Variants in ZNF804B observed in about 807,000 individuals in gnomAD.
ZNF804B encodes the protein zinc finger protein 804B, also known as zinc finger 804B.
A neutral mutation model predicts 101.4 loss-of-function variants in ZNF804B; 80 were observed. The observed-to-expected ratio is 0.79, with a 90% confidence interval of 0.66 to 0.95. The LOEUF (loss-of-function observed/expected upper bound fraction) is 0.95. Ranked by LOEUF, ZNF804B falls within the 40% of genes least tolerant of loss-of-function variation. The probability of loss-of-function intolerance (pLI) is 0.00; values close to 1 mark genes in which losing one functional copy is unlikely to be tolerated. For missense variants in ZNF804B, 1,673 were observed against 1,561.9 expected (o/e 1.07, Z -1.20); for synonymous variants, 622 against 558.8 (o/e 1.11, Z -1.59).
chr7:89,096,639 G>C (rs187839767), intron 1 of ZNF804B, among the ~76,000 whole-genome samples: 1 of 152,224 alleles, frequency 6.6e-6, no homozygotes, highest in Admixed American at 6.5e-5. Context: ...AAAGTGATAT[G>C]CATGATATTT....
intron 1 of ZNF804B, among the ~76,000 whole-genome samples, chr7:89,047,878 C>T (rs1196254141): frequency 7.4e-6 from 1 of 134,458 alleles, no homozygotes; most frequent in Non-Finnish European, 1.6e-5. Context: ...ATTGGTTGAT[C>T]TCAGTGGCTA....
chr7:88,956,655 C>T (rs1793314443), intron 1 of ZNF804B, among the ~76,000 whole-genome samples: 1 of 151,292 alleles, frequency 6.6e-6, no homozygotes, highest in African/African-American at 2.4e-5. Flanking sequence ...TGGACTACTT[C>T]TAACTGGGAT....
At chr7:89,115,781 T>C (rs1029923063) in intron 1 of ZNF804B, among the ~76,000 whole-genome samples, 1 of 152,246 alleles carries the variant, frequency 6.6e-6, no homozygotes, top group African/African-American at 2.4e-5. Flanking sequence ...TTTGTAGTTT[T>C]TAGCCTATTG....
chr7:89,268,471 C>T lies in ZNF804B; in HGVS notation c.249+50176C>T, dbSNP rs145169591. Reference sequence around the variant, plus strand: ...CAACAACATTGCAAACATTTCATGACGAGATCTTTCTTAAACTATTCCAAC... The same window carrying T: ...CAACAACATTGCAAACATTTCATGATGAGATCTTTCTTAAACTATTCCAAC... On this transcript the variant is annotated intron_variant, in intron 2 of 3. Coordinates refer to ENST00000333190, the MANE Select transcript of ZNF804B (RefSeq NM_181646.5). Among the ~76,000 whole-genome samples the T allele has an allele frequency of 4.2e-3, 643 of 152,096 alleles. 5 individuals are homozygous for T. The highest frequency in any genetic ancestry group is 0.015 in the African/African-American group (608 of 41,508).
intron 1 of ZNF804B, among the ~76,000 whole-genome samples, chr7:88,872,819 A>G (rs1416940711): frequency 6.7e-6 from 1 of 149,686 alleles, no homozygotes; most frequent in East Asian, 2.0e-4. Flanking sequence ...TTATGGCTGC[A>G]TAGTATTCCA....
At chr7:89,162,859 G>T (rs1381329510) in intron 1 of ZNF804B, among the ~76,000 whole-genome samples, 1 of 94,690 alleles carries the variant, frequency 1.1e-5, no homozygotes, top group Non-Finnish European at 2.1e-5. Context: ...CTGTGTCCAT[G>T]TGTTCTCATT....
chr7:89,222,788 A>C (rs1212991261), intron 2 of ZNF804B, among the ~76,000 whole-genome samples: 3 of 151,952 alleles, frequency 2.0e-5, no homozygotes, highest in South Asian at 2.1e-4. Context: ...AATTTAACAC[A>C]GAATTTTAAA....
At chr7:89,014,724 G>A (rs1370922159) in intron 1 of ZNF804B, among the ~76,000 whole-genome samples, 2 of 152,190 alleles carry the variant, frequency 1.3e-5, no homozygotes, top group African/African-American at 4.8e-5. Context: ...CTGTTGAGAT[G>A]TTTGATATCC....
At chr7:88,961,621 C>T (rs1457000617) in intron 1 of ZNF804B, among the ~76,000 whole-genome samples, 1 of 151,342 alleles carries the variant, frequency 6.6e-6, no homozygotes, top group Non-Finnish European at 1.5e-5. Context: ...AAGAAGAGCT[C>T]ATGAGATTGA....
At chr7:88,836,736 C>A (rs891812314) in intron 1 of ZNF804B, among the ~76,000 whole-genome samples, 4 of 151,936 alleles carry the variant, frequency 2.6e-5, no homozygotes, top group Non-Finnish European at 5.9e-5. Flanking sequence ...CTATGCAATT[C>A]GCTCTTTCCC....
intron 1 of ZNF804B, among the ~76,000 whole-genome samples, chr7:88,915,081 A>G (rs927318450): frequency 6.6e-6 from 1 of 152,118 alleles, no homozygotes; most frequent in Admixed American, 6.6e-5. Context: ...TGTGTTAGAA[A>G]TATTATGTGT....
In ZNF804B at chr7:89,331,573, C is replaced by A. The variant is rs559494687; in HGVS notation, c.381-1790C>A. 2.0e-5 allele frequency among the ~76,000 whole-genome samples: 3 copies of A among 151,776 alleles called. No individual in the cohort carries two copies. In the East Asian group the frequency reaches 5.8e-4, roughly 29 times the overall value. ...TAGTTTTTTACAAGATTTAAAGGAACTCTGTAATTCTAAAATTACAGCCAT... is the reference window on the plus strand; with the variant it reads ...TAGTTTTTTACAAGATTTAAAGGAAATCTGTAATTCTAAAATTACAGCCAT... On this transcript the variant is annotated intron_variant, in intron 3 of 3. Transcript: ENST00000333190.
At chr7:89,048,779 G>A (rs1276964360) in intron 1 of ZNF804B, among the ~76,000 whole-genome samples, 1 of 151,806 alleles carries the variant, frequency 6.6e-6, no homozygotes, top group Non-Finnish European at 1.5e-5. Flanking sequence ...CATTCCTTAA[G>A]TACTGCTCTT....
chr7:89,307,733 T>C (rs1790587011), intron 2 of ZNF804B, among the ~76,000 whole-genome samples: 1 of 152,058 alleles, frequency 6.6e-6, no homozygotes, highest in African/African-American at 2.4e-5. Context: ...GCACTAATTA[T>C]TGAGAAAATA....
chr7:89,140,820 T>C (rs537170961), intron 1 of ZNF804B, among the ~76,000 whole-genome samples: 9 of 151,982 alleles, frequency 5.9e-5, no homozygotes, highest in Non-Finnish European at 1.2e-4. Flanking sequence ...GGAGAACTTT[T>C]AATTTTCTTC....
chr7:89,019,628 A>G (rs1788630546), intron 1 of ZNF804B, among the ~76,000 whole-genome samples: 1 of 152,052 alleles, frequency 6.6e-6, no homozygotes, highest in South Asian at 2.1e-4. Flanking sequence ...CTTTAGATCC[A>G]GTAGTATTTA....
rs1256367696 is a variant in ZNF804B, at chr7:88,997,817, A to G, written c.109-220338A>G. Reference sequence around the variant, plus strand: ...TATCGCACCACTCAAAATTTGGCCCATCTTTCGGAACTCAGTTGAAATGCC... The same window carrying G: ...TATCGCACCACTCAAAATTTGGCCCGTCTTTCGGAACTCAGTTGAAATGCC... On this transcript the variant is annotated intron_variant, in intron 1 of 3. Transcript: ENST00000333190. 3.3e-5 allele frequency among the ~76,000 whole-genome samples: 5 copies of G among 152,126 alleles called. No individual in the cohort carries two copies. The South Asian group carries it at 8.3e-4, about 25-fold the overall frequency.
chr7:88,915,009 G>A (rs1406065432), intron 1 of ZNF804B, among the ~76,000 whole-genome samples: 1 of 152,010 alleles, frequency 6.6e-6, no homozygotes, highest in Non-Finnish European at 1.5e-5. Context: ...GTAGAATATA[G>A]CACATTATCT....
Position 89,327,556 on chromosome 7 carries a change from T to C in ZNF804B, c.380+82T>C, listed in dbSNP as rs1227470818. On this transcript the variant is annotated intron_variant, in intron 3 of 3. Transcript: ENST00000333190. ...TTTAAAGGCAAATCTACTGTAACAA[T>C]GTAAACAAATAATAACTAACTAATA... 4.6e-6 allele frequency: 7 copies of C among 1,530,446 alleles called. No homozygotes were observed. In the Admixed American group the frequency reaches 8.7e-5, roughly 19 times the overall value. 94.8% of individuals were successfully genotyped at this position (1,530,446 alleles called of 1,614,324 possible). A position where few individuals can be genotyped will look rare whatever the true frequency, so the allele number is the denominator to read the frequency against.
Sources: allele counts gnomAD v4.1 joint callset (sites outside exome capture counted in the v4.1 genomes callset), GRCh38; gene constraint gnomAD v4.1.1; transcripts MANE v1.5; gene names NCBI Gene and HGNC (gene_info 2026-07-23, HGNC 2026-07-21).